Variants in FAM187B observed in about 807,000 individuals in gnomAD.
The protein encoded by FAM187B is family with sequence similarity 187 member B.
Under a neutral mutation model 22.6 loss-of-function variants are expected in FAM187B, and 22 were observed. The observed-to-expected ratio is 0.97, with a 90% CI of 0.70 to 1.39. The LOEUF is 1.39. FAM187B is among the 40% of genes most tolerant of loss of function. The pLI is 0.00. For missense variants in FAM187B, 433 were observed against 462.1 expected (o/e 0.94, Z 0.58); for synonymous variants, 192 against 201.8 (o/e 0.95, Z 0.41).
chr19:35,224,882 G>C lies in FAM187B; in HGVS notation c.1053C>G (p.Leu351=). ...TGCCCGGGGAAGGGTGGATGCACTT[G>C]AGCAGCGCCCCCAGCAGGGCCAGGA... is the stretch of plus-strand genomic sequence containing the variant. The part of the protein sequence containing the change: ...VTVLALLGAL[L]KCIHPSPGRR... The change falls in exon 2 of 2, where the codon CTC becomes CTG. Residue 351 remains leucine (L), a synonymous_variant. Coordinates refer to ENST00000324675, the MANE Select transcript of FAM187B (RefSeq NM_152481.2). 6.2e-7 allele frequency: 1 copy of C among 1,613,888 alleles called. No homozygotes were observed. Among genetic ancestry groups the C allele is most frequent in the Non-Finnish European group, 8.5e-7 (1 of 1,179,910 alleles).
intron 1 of FAM187B, among the ~76,000 whole-genome samples, chr19:35,227,068 CG>C (rs2065663671): frequency 1.3e-5 from 2 of 152,182 alleles, no homozygotes; most frequent in South Asian, 4.1e-4. Flanking sequence ...CAGAGAAGAC[CG>C]GGATCTCTGA....
At chr19:35,226,694 C>A (rs1412241299) in intron 1 of FAM187B, among the ~76,000 whole-genome samples, 1 of 152,120 alleles carries the variant, frequency 6.6e-6, no homozygotes, top group Non-Finnish European at 1.5e-5. Context: ...CTTGCATTCC[C>A]AGCTAGGTAC....
At chr19:35,227,452 T>G (rs2145468142) in intron 1 of FAM187B, among the ~76,000 whole-genome samples, 1 of 152,258 alleles carries the variant, frequency 6.6e-6, no homozygotes, top group Non-Finnish European at 1.5e-5. Context: ...ACTCCTGACC[T>G]CAGGTGATCC....
intron 1 of FAM187B, 33 bp downstream of exon 1, chr19:35,227,926 C>G: frequency 5.7e-6 from 9 of 1,569,702 alleles, no homozygotes; most frequent in Non-Finnish European, 6.9e-6. Flanking sequence ...CCGGAAGAAT[C>G]TGGGTAGGGG....
Position 35,228,726 on chromosome 19 carries a change from G to GT in FAM187B, c.-47dup. ...GTGGGCTGGTGCCACCCCGAACATT[G>GT]TGAGGTCACCCATGAACTCTGGCCT... On this transcript the variant is annotated 5_prime_UTR_variant, in exon 1 of 2. Coordinates refer to ENST00000324675, the MANE Select transcript of FAM187B (RefSeq NM_152481.2). The GT allele has an allele frequency of 6.4e-7, 1 of 1,557,322 alleles. No individual in the cohort carries two copies. The highest frequency in any genetic ancestry group is 8.6e-7 in the Non-Finnish European group (1 of 1,156,758).
chr19:35,228,102 C>A lies in FAM187B; in HGVS notation c.579G>T (p.Arg193=). Residue 193 remains arginine (R), a synonymous_variant, in exon 1 of 2, where the codon CGG becomes CGT. Coordinates refer to ENST00000324675, the MANE Select transcript of FAM187B (RefSeq NM_152481.2). The stretch of plus-strand genomic sequence containing the variant: ...GGCAGGCTTCCACCTGCAGCTCAGG[C>A]CGCAAGCGGCTAGACCACACCAGCA... ...GEVLVWSSRL[R]PELQVEACHV... 6.2e-7 allele frequency: 1 copy of A among 1,614,256 alleles called. No homozygotes were observed.
rs752784372 is a variant in FAM187B, at chr19:35,228,718, C to A, written c.-38G>T. 12 of 1,564,810 alleles carry A rather than the reference C, an allele frequency of 7.7e-6. No individual in the cohort carries two copies. The East Asian group carries it at 2.7e-4, about 35-fold the overall frequency. On this transcript the variant is annotated 5_prime_UTR_variant, in exon 1 of 2. Coordinates refer to ENST00000324675, the MANE Select transcript of FAM187B (RefSeq NM_152481.2). Reference sequence around the variant, plus strand: ...CTGTGGCAGTGGGCTGGTGCCACCCCGAACATTGTGAGGTCACCCATGAAC... The same window carrying A: ...CTGTGGCAGTGGGCTGGTGCCACCCAGAACATTGTGAGGTCACCCATGAAC...
In FAM187B at chr19:35,225,142, T is replaced by C. The variant is rs769209894; in HGVS notation, c.793A>G (p.Thr265Ala). The C allele has an allele frequency of 6.3e-7, 1 of 1,585,920 alleles. No individual in the cohort carries two copies. Among genetic ancestry groups the C allele is most frequent in the Non-Finnish European group, 8.6e-7 (1 of 1,166,382 alleles). ...ESQLSGQDFT[T>A]FLDPSTGGRQ... ...CCGCCGGTGGAGGGGTCCAGAAAGG[T>C]GGTGAAGTCCTGGCCGGAGAGCTGG... The change falls in exon 2 of 2, where the codon ACC becomes GCC. Residue 265 changes from threonine (T) to alanine (A), a missense_variant. Transcript: ENST00000324675.
At chr19:35,225,251 A>G in intron 1 of FAM187B, 39 bp from the exon 2 acceptor site, 1 of 1,451,436 alleles carries the variant, frequency 6.9e-7, no homozygotes, top group Non-Finnish European at 9.1e-7. Flanking sequence ...GCCAGGGAGA[A>G]AGGAGGGACC....
Position 35,228,441 on chromosome 19 carries a change from A to T in FAM187B, c.240T>A (p.Leu80=), listed in dbSNP as rs369679605. The T allele has an allele frequency of 5.0e-6, 8 of 1,614,088 alleles. No individual in the cohort carries two copies. The African/African-American group carries it at 1.1e-4, about 22-fold the overall frequency. The change falls in exon 1 of 2, where the codon CTT becomes CTA. Residue 80 remains leucine (L), a synonymous_variant. Coordinates refer to ENST00000324675, the MANE Select transcript of FAM187B (RefSeq NM_152481.2). ...GGGAGGGCAATGGATCTTTAATGAG[A>T]AGGCTGCCCTCGGGCATTATTTCCA... The part of the protein sequence containing the change: ...SNMEIMPEGS[L]LIKDPLPSQT...
intron 1 of FAM187B, among the ~76,000 whole-genome samples, chr19:35,227,289 G>A (rs7254901): frequency 0.29 from 44,551 of 151,626 alleles, 7,730 homozygotes; most frequent in Non-Finnish European, 0.4. Context: ...GTGTGATCTC[G>A]GCTCACTGCA....
intron 1 of FAM187B, among the ~76,000 whole-genome samples, chr19:35,226,053 C>T (rs575849358): frequency 4.5e-4 from 68 of 152,272 alleles, no homozygotes; most frequent in African/African-American, 7.9e-4. Context: ...AGGGCTTCCT[C>T]GCCTCCTTTC....
rs764338417 is a variant in FAM187B, at chr19:35,227,965, A to C, written c.716T>G (p.Met239Arg). ...GAGGCAGGGATTCCATCACCTGTAC[A>C]TGGATCCTAAGGGACAGTCGAGCCA... is the stretch of plus-strand genomic sequence containing the variant. ...FVWLDCPLGS[M>R]YRPVNWRAND... Residue 239 changes from methionine (M) to arginine (R), a missense_variant, in exon 1 of 2, where the codon ATG (methionine) becomes AGG (arginine). Physicochemically the swap from Met to Arg is moderately conservative, Grantham distance 91. Coordinates refer to ENST00000324675, the MANE Select transcript of FAM187B (RefSeq NM_152481.2). 2 of 1,607,668 alleles carry C rather than the reference A, an allele frequency of 1.2e-6. No homozygotes were observed. The highest frequency in any genetic ancestry group is 3.4e-5 in the Admixed American group (2 of 59,664).
rs1346938691 is a variant in FAM187B, at chr19:35,227,954, A to T, written c.722+5T>A. Reference sequence around the variant, plus strand: ...GGTAGGGGCCAGAGGCAGGGATTCCATCACCTGTACATGGATCCTAAGGGA... The same window carrying T: ...GGTAGGGGCCAGAGGCAGGGATTCCTTCACCTGTACATGGATCCTAAGGGA... On this transcript the variant is annotated splice_donor_5th_base_variant and intron_variant, in intron 1 of 1. Coordinates refer to ENST00000324675, the MANE Select transcript of FAM187B (RefSeq NM_152481.2). The T allele has an allele frequency of 1.3e-6, 2 of 1,594,818 alleles. No individual in the cohort carries two copies. Among genetic ancestry groups the T allele is most frequent in the East Asian group, 4.5e-5 (2 of 44,618 alleles).
At chr19:35,227,876 A>G in intron 1 of FAM187B, 83 bp downstream of exon 1, 1 of 1,529,544 alleles carries the variant, frequency 6.5e-7, no homozygotes. Context: ...AAGAACGCCC[A>G]CTCATCCCTC....
chr19:35,225,261 C>G (rs746431114), intron 1 of FAM187B, 49 bp from the exon 2 acceptor site: 10 of 1,442,984 alleles, frequency 6.9e-6, no homozygotes, highest in Non-Finnish European at 9.1e-6. Flanking sequence ...AAGGAGGGAC[C>G]GACGTCTCCC....
Position 35,228,704 on chromosome 19 carries a change from G to A in FAM187B, c.-24C>T, listed in dbSNP as rs1373978723. The stretch of plus-strand genomic sequence containing the variant: ...ATGGTGGACTGGGGCTGTGGCAGTG[G>A]GCTGGTGCCACCCCGAACATTGTGA... On this transcript the variant is annotated 5_prime_UTR_variant, in exon 1 of 2. Coordinates refer to ENST00000324675, the MANE Select transcript of FAM187B (RefSeq NM_152481.2). 6.3e-7 allele frequency: 1 copy of A among 1,583,254 alleles called. No individual in the cohort carries two copies. Among genetic ancestry groups the A allele is most frequent in the Non-Finnish European group, 8.6e-7 (1 of 1,167,344 alleles).
rs2065668377 is a variant in FAM187B, at chr19:35,228,328, A to C, written c.353T>G (p.Ile118Arg). 1 of 1,614,012 alleles carries C rather than the reference A, an allele frequency of 6.2e-7. No homozygotes were observed. Among genetic ancestry groups the C allele is most frequent in the East Asian group, 2.2e-5 (1 of 44,884 alleles). Residue 118 changes from isoleucine (I) to arginine (R), a missense_variant, in exon 1 of 2, where the codon ATA (isoleucine) becomes AGA (arginine). Transcript: ENST00000324675. ...IDFQDVTTLHITHKDLGQRPL... is the reference protein window; with the variant it reads ...IDFQDVTTLHRTHKDLGQRPL... Reference sequence around the variant, plus strand: ...CCTCTGACCCAGGTCCTTGTGTGTTATATGCAGGGTGGTGACATCCTGAAA... The same window carrying C: ...CCTCTGACCCAGGTCCTTGTGTGTTCTATGCAGGGTGGTGACATCCTGAAA...
At chr19:35,227,658 C>A (rs2065665547) in intron 1 of FAM187B, among the ~76,000 whole-genome samples, 1 of 152,198 alleles carries the variant, frequency 6.6e-6, no homozygotes, top group African/African-American at 2.4e-5. Flanking sequence ...GGGGCACCAG[C>A]CTCTCCTCCA....
Sources: gnomAD v4.1 joint callset for allele counts (sites outside exome capture counted in the v4.1 genomes callset) on GRCh38, gnomAD v4.1.1 for gene constraint, MANE v1.5 for transcripts, NCBI Gene and HGNC (gene_info 2026-07-23, HGNC 2026-07-21) for gene names.